UCP1: variants seen among roughly 807,000 people sequenced by gnomAD.
UCP1 encodes uncoupling protein 1.
A neutral mutation model predicts 26.2 loss-of-function variants in UCP1; 24 were observed. The ratio of observed to expected loss-of-function variants is 0.92; its 90% CI spans 0.66 to 1.29. The LOEUF is 1.29. UCP1 is among the 50% of genes most tolerant of loss of function. The probability of loss-of-function intolerance (pLI) is 0.00; values close to 1 mark genes in which losing one functional copy is unlikely to be tolerated. For missense variants in UCP1, 402 were observed against 388.7 expected, an observed-to-expected ratio of 1.03 and a Z score of -0.29; for synonymous variants, 164 against 156.8, an observed-to-expected ratio of 1.05 and a Z score of -0.34.
chr4:140,568,911 G>GCCGAGTCC lies in UCP1; in HGVS notation c.-190_-183dup, dbSNP rs1735873667. 1 of 864,938 alleles carries GCCGAGTCC rather than the reference G, an allele frequency of 1.2e-6. No homozygotes were observed. The highest frequency in any genetic ancestry group is 1.7e-6 in the Non-Finnish European group (1 of 573,222). 53.6% of individuals were successfully genotyped at this position (864,938 alleles called of 1,614,324 possible). A position where few individuals can be genotyped will look rare whatever the true frequency, so the allele number is the denominator to read the frequency against. On this transcript the variant is annotated 5_prime_UTR_variant, in exon 1 of 6. Transcript: ENST00000262999. Reference sequence around the variant, plus strand: ...CTGCAGACGGAGCGCGGTGTTGGGGGCCGAGTCCCCGCGTCCCCTCCTACC... The same window carrying GCCGAGTCC: ...CTGCAGACGGAGCGCGGTGTTGGGGGCCGAGTCCCCGAGTCCCCGCGTCCCCTCCTACC...
chr4:140,565,222 C>G (rs1735771247), intron 2 of UCP1, among the ~76,000 whole-genome samples: 1 of 152,322 alleles, frequency 6.6e-6, no homozygotes, highest in African/African-American at 2.4e-5. Context: ...TATACATCCT[C>G]TCTCAATAAA....
intron 2 of UCP1, 101 bp downstream of exon 2, chr4:140,567,678 C>T: frequency 2.1e-6 from 3 of 1,442,844 alleles, no homozygotes; most frequent in Non-Finnish European, 2.9e-6. Flanking sequence ...AATGTTTTCT[C>T]GCCAATTTGT....
At position 140,563,337 on chromosome 4, in the gene UCP1, G is replaced by A. The variant is rs1323804014; in HGVS notation, c.507C>T (p.Gly169=). 6.2e-7 allele frequency: 1 copy of A among 1,614,030 alleles called. No homozygotes were observed. Among genetic ancestry groups the A allele is most frequent in the Non-Finnish European group, 8.5e-7 (1 of 1,180,034 alleles). ...NAYRIIATTE[G]LTGLWKGTTP... is the part of the protein sequence containing the mutation. Reference sequence around the variant, plus strand: ...AGTTACCTTTCCAAAGACCCGTCAAGCCTTCGGTTGTTGCTATTATTCTGT... The same window carrying A: ...AGTTACCTTTCCAAAGACCCGTCAAACCTTCGGTTGTTGCTATTATTCTGT... The change falls in exon 3 of 6, where the codon GGC becomes GGT. Residue 169 remains glycine, a synonymous_variant. Coordinates refer to ENST00000262999, the MANE Select transcript of UCP1 (RefSeq NM_021833.5).
chr4:140,562,368 C>T lies in UCP1; in HGVS notation c.634G>A (p.Val212Ile), dbSNP rs1560843272. 2.5e-6 allele frequency: 4 copies of T among 1,613,894 alleles called. No homozygotes were observed. The highest frequency in any genetic ancestry group is 3.4e-6 in the Non-Finnish European group (4 of 1,179,958). Residue 212 changes from valine to isoleucine, a missense_variant, in exon 5 of 6, where the codon GTC (valine) becomes ATC (isoleucine). By Grantham distance (29) the Val-to-Ile change is conservative. Coordinates refer to ENST00000262999, the MANE Select transcript of UCP1 (RefSeq NM_021833.5). ...AGAGCCGACACCAAGTGGCAGGGGACGTCATCTAAAATGGATCGATGAAAC... is the reference window on the plus strand; with the variant it reads ...AGAGCCGACACCAAGTGGCAGGGGATGTCATCTAAAATGGATCGATGAAAC... ...FVKNNILADD[V>I]PCHLVSALIA...
At chr4:140,566,704 T>C (rs1034591053) in intron 2 of UCP1, among the ~76,000 whole-genome samples, 1 of 152,240 alleles carries the variant, frequency 6.6e-6, no homozygotes, top group African/African-American at 2.4e-5. Flanking sequence ...AATGTATTCA[T>C]TGTGCCATCA....
Position 140,568,924 on chromosome 4 carries a change from G to C in UCP1, c.-195C>G. Reference sequence around the variant, plus strand: ...GCGGTGTTGGGGGCCGAGTCCCCGCGTCCCCTCCTACCCACCCTCGCGCCA... The same window carrying C: ...GCGGTGTTGGGGGCCGAGTCCCCGCCTCCCCTCCTACCCACCCTCGCGCCA... On this transcript the variant is annotated 5_prime_UTR_variant, in exon 1 of 6. Coordinates refer to ENST00000262999, the MANE Select transcript of UCP1 (RefSeq NM_021833.5). 1 of 744,634 alleles carries C rather than the reference G, an allele frequency of 1.3e-6. No homozygotes were observed. The highest frequency in any genetic ancestry group is 2.1e-6 in the Non-Finnish European group (1 of 465,138). The allele number at this position is 744,634 out of a possible 1,614,324, so 46.1% of individuals were successfully genotyped here.
Position 140,559,524 on chromosome 4 carries a change from TTATAAA to T in UCP1, c.*366_*371del, listed in dbSNP as rs1310688274. ...TTTTAATAACTTCATTTTTAAGTAT[TTATAAA>T]TATAAACTGCATTTCACTCAGTTTC... On this transcript the variant is annotated 3_prime_UTR_variant, in exon 6 of 6. Transcript: ENST00000262999. 2 of 188,426 alleles carry T rather than the reference TTATAAA, an allele frequency of 1.1e-5. No individual in the cohort carries two copies. The highest frequency in any genetic ancestry group is 2.2e-5 in the Non-Finnish European group (2 of 91,430). The allele number at this position is 188,426 out of a possible 1,614,324, so 11.7% of individuals were successfully genotyped here.
intron 2 of UCP1, among the ~76,000 whole-genome samples, chr4:140,564,128 C>T (rs2110911911): frequency 1.3e-5 from 2 of 152,314 alleles, no homozygotes; most frequent in Middle Eastern, 6.8e-3. Context: ...ATTTAGCTCT[C>T]TTTTCAGTAT....
Position 140,562,485 on chromosome 4 carries a change from TATAA to T in UCP1, c.629-116_629-113del, listed in dbSNP as rs1222696443. On this transcript the variant is annotated intron_variant, in intron 4 of 5. Coordinates refer to ENST00000262999, the MANE Select transcript of UCP1 (RefSeq NM_021833.5). ...TAACAGTAGGTCAATGAAGATGTCTTATAAATAAATAAAATAAAATAAGAAAGGT... is the reference window on the plus strand; with the variant it reads ...TAACAGTAGGTCAATGAAGATGTCTTATAAATAAAATAAAATAAGAAAGGT... 227 of 1,048,504 alleles carry T rather than the reference TATAA, an allele frequency of 2.2e-4. 3 individuals carry two copies. The South Asian group carries it at 2.9e-3, about 13-fold the overall frequency. 65.0% of individuals were successfully genotyped at this position (1,048,504 alleles called of 1,614,324 possible). A position where few individuals can be genotyped will look rare whatever the true frequency, so the allele number is the denominator to read the frequency against.
rs373376128 is a variant in UCP1, at chr4:140,567,953, T to G, written c.151A>C (p.Ser51Arg). Residue 51 changes from serine to arginine, a missense_variant, in exon 2 of 6, where the codon AGT (serine) becomes CGT (arginine). Coordinates refer to ENST00000262999, the MANE Select transcript of UCP1 (RefSeq NM_021833.5). ...AGGACACCTTTATACCTAATAACAC[T>G]GGACGTCGGGCATTCACCTTGGACC... ...LQVQGECPTSSVIRYKGVLGT... is the reference protein window; with the variant it reads ...LQVQGECPTSRVIRYKGVLGT... The G allele has an allele frequency of 6.2e-7, 1 of 1,614,216 alleles. No homozygotes were observed. Among genetic ancestry groups the G allele is most frequent in the Non-Finnish European group, 8.5e-7 (1 of 1,180,030 alleles).
chr4:140,568,347 C>T (rs1247490011), intron 1 of UCP1, among the ~76,000 whole-genome samples: 2 of 152,056 alleles, frequency 1.3e-5, no homozygotes, highest in Non-Finnish European at 2.9e-5. Context: ...ACTAAGTGCA[C>T]CCTAAATTTT....
rs1735690536 is a variant in UCP1 at position 140,562,190 on chromosome 4, T to C, written c.809+3A>G. 1 of 1,614,174 alleles carries C rather than the reference T, an allele frequency of 6.2e-7. No individual in the cohort carries two copies. Among genetic ancestry groups the C allele is most frequent in the Middle Eastern group, 1.6e-4 (1 of 6,062 alleles). On this transcript the variant is annotated splice_donor_region_variant and intron_variant, in intron 5 of 5. Transcript: ENST00000262999. Reference sequence around the variant, plus strand: ...ATTACAGATACACAAGATCATATCTTACCCCTTGAAGAAAGCCGTTGGTCC... The same window carrying C: ...ATTACAGATACACAAGATCATATCTCACCCCTTGAAGAAAGCCGTTGGTCC...
rs1488179356 is a variant in UCP1 at position 140,560,040 on chromosome 4, ATTTG to A, written c.810-34_810-31del. The A allele has an allele frequency of 8.9e-6, 14 of 1,571,262 alleles. No individual in the cohort carries two copies. In the Admixed American group the frequency reaches 2.0e-4, roughly 23 times the overall value. On this transcript the variant is annotated intron_variant, in intron 5 of 5. Coordinates refer to ENST00000262999, the MANE Select transcript of UCP1 (RefSeq NM_021833.5). Reference sequence around the variant, plus strand: ...AAAAGTGCATGTCATCGTTCGATTAATTTGTTTGATTTTTTTTTTTTTTAATTTT... The same window carrying A: ...AAAAGTGCATGTCATCGTTCGATTAATTTGATTTTTTTTTTTTTTAATTTT...
At position 140,562,990 on chromosome 4, in the gene UCP1, C is replaced by G. The variant is rs571804645; in HGVS notation, c.628+120G>C. 5 of 853,756 alleles carry G rather than the reference C, an allele frequency of 5.9e-6. No homozygotes were observed. In the South Asian group the frequency reaches 7.5e-5, roughly 13 times the overall value. The allele number at this position is 853,756 out of a possible 1,614,324, so 52.9% of individuals were successfully genotyped here. On this transcript the variant is annotated intron_variant, in intron 4 of 5. Transcript: ENST00000262999. Reference sequence around the variant, plus strand: ...CAAAGTTATATATGGTTCAAAATTACTTAATTTTTAAAAAGAGAAAACTAT... The same window carrying G: ...CAAAGTTATATATGGTTCAAAATTAGTTAATTTTTAAAAAGAGAAAACTAT...
At position 140,568,709 on chromosome 4, in the gene UCP1, C is replaced by G. The variant is rs1735862279; in HGVS notation, c.21G>C (p.Ser7=). The change falls in exon 1 of 6, where the codon TCG becomes TCC. Residue 7 remains serine, a synonymous_variant. Transcript: ENST00000262999. The stretch of plus-strand genomic sequence containing the variant: ...GGACCCCCAGGGTCGGGTGTACGTC[C>G]GAGGCTGTCAGGCCCCCCATCTTCA... MGGLTA[S]DVHPTLGVQL... 7.5e-6 allele frequency: 12 copies of G among 1,598,822 alleles called. No homozygotes were observed. The highest frequency in any genetic ancestry group is 9.4e-6 in the Non-Finnish European group (11 of 1,174,192).
intron 5 of UCP1, among the ~76,000 whole-genome samples, chr4:140,560,497 T>C (rs753514403): frequency 2.6e-5 from 4 of 152,190 alleles, no homozygotes; most frequent in Non-Finnish European, 5.9e-5. Context: ...TTGCTTGTTT[T>C]GCTTTGCTTT....
Position 140,567,759 on chromosome 4 carries a change from C to G in UCP1, c.325+20G>C. 6.2e-7 allele frequency: 1 copy of G among 1,613,584 alleles called. No individual in the cohort carries two copies. Among genetic ancestry groups the G allele is most frequent in the Non-Finnish European group, 8.5e-7 (1 of 1,179,936 alleles). ...GAGCCCAAGGCTTTTCTGCCCCTCC[C>G]AGGAACGCTCACGGCTTACTTTCTT... is the stretch of plus-strand genomic sequence containing the variant. On this transcript the variant is annotated intron_variant, in intron 2 of 5. Transcript: ENST00000262999.
intron 1 of UCP1, 81 bp from the exon 2 acceptor site, chr4:140,568,058 T>C (rs1404249752): frequency 6.8e-7 from 1 of 1,476,346 alleles, no homozygotes; most frequent in South Asian, 1.1e-5. Flanking sequence ...GTGTTCCTAT[T>C]TTCCGTTTCT....
At chr4:140,560,129 T>G in intron 5 of UCP1, 119 bp from the exon 6 acceptor site, 1 of 820,382 alleles carries the variant, frequency 1.2e-6, no homozygotes, top group South Asian at 1.5e-5. Context: ...CATAGCTCAC[T>G]GCAACCTCGA....
Sources: allele counts gnomAD v4.1 joint callset (sites outside exome capture counted in the v4.1 genomes callset), GRCh38; gene constraint gnomAD v4.1.1; transcripts MANE v1.5; gene names NCBI Gene and HGNC (gene_info 2026-07-23, HGNC 2026-07-21).